Variants in ARHGEF7 observed in about 807,000 individuals in gnomAD.
The protein encoded by ARHGEF7 is Rho guanine nucleotide exchange factor 7.
In ARHGEF7, 33 loss-of-function variants were observed where a neutral mutation model predicts 109.8. That is an observed-to-expected ratio of 0.30 (90% CI 0.23 to 0.40). ARHGEF7 has a LOEUF of 0.40. ARHGEF7 is among the 10% of genes least tolerant of loss of function. The probability of loss-of-function intolerance (pLI) is 1.00; values close to 1 mark genes in which losing one functional copy is unlikely to be tolerated. For missense variants in ARHGEF7, 938 were observed against 1,098.5 expected (o/e 0.85, Z 2.07); for synonymous variants, 458 against 424.6 (o/e 1.08, Z -0.97).
chr13:111,295,315 C>G, intron 19 of ARHGEF7: 3 of 505,024 alleles, frequency 5.9e-6, no homozygotes, highest in Non-Finnish European at 7.7e-6. Context: ...TAGATAGAAC[C>G]CTTCTGTCTG....
chr13:111,144,885 A>G (rs992549595), intron 1 of ARHGEF7, among the ~76,000 whole-genome samples: 10 of 152,342 alleles, frequency 6.6e-5, no homozygotes, highest in African/African-American at 2.2e-4. Context: ...CAAAGGGTAC[A>G]ATAAGTAGAG....
rs187079354 is a variant in ARHGEF7 at position 111,121,944 on chromosome 13, G to A, written c.165+6253G>A. Among the ~76,000 whole-genome samples the A allele has an allele frequency of 1.8e-3, 276 of 152,334 alleles. 2 individuals are homozygous for A. Among genetic ancestry groups the A allele is most frequent in the Non-Finnish European group, 8.8e-4 (60 of 68,038 alleles). On this transcript the variant is annotated intron_variant, in intron 1 of 21. Transcript: ENST00000646102. The stretch of plus-strand genomic sequence containing the variant: ...GCACAAAGTCATTCCTCAGTACGCA[G>A]TAGTTACTGTTTTGTTGATTGACAC...
At chr13:111,264,499 G>A (rs939819557) in intron 8 of ARHGEF7, among the ~76,000 whole-genome samples, 9 of 152,142 alleles carry the variant, frequency 5.9e-5, no homozygotes, top group Non-Finnish European at 4.4e-5. Context: ...AGGAAGACTT[G>A]TGCATCCTAA....
At chr13:111,157,347 A>G (rs543708038) in intron 2 of ARHGEF7, among the ~76,000 whole-genome samples, 14 of 150,686 alleles carry the variant, frequency 9.3e-5, no homozygotes, top group African/African-American at 1.7e-4. Context: ...TTCTATTTGT[A>G]TCTCAAAAGC....
chr13:111,189,896 T>TC (rs1338398196), intron 2 of ARHGEF7, among the ~76,000 whole-genome samples: 1 of 152,184 alleles, frequency 6.6e-6, no homozygotes, highest in East Asian at 1.9e-4. Context: ...AGAAAAGTTC[T>TC]CCAAGTCCCC....
intron 19 of ARHGEF7, among the ~76,000 whole-genome samples, chr13:111,299,043 T>A (rs1345418711): frequency 1.3e-5 from 2 of 152,342 alleles, no homozygotes; most frequent in South Asian, 2.1e-4. Context: ...TCATCTTATC[T>A]TCTTATGCCC....
chr13:111,241,477 G>C, intron 6 of ARHGEF7: 2 of 826,788 alleles, frequency 2.4e-6, no homozygotes, highest in East Asian at 2.7e-5. Flanking sequence ...TGCATTGTTT[G>C]GTTGGGAGTA....
At chr13:111,288,236 A>T in intron 17 of ARHGEF7, 118 bp from the exon 18 acceptor site, 1 of 487,820 alleles carries the variant, frequency 2.0e-6, no homozygotes. Context: ...AAGAAAATCA[A>T]GGGCAGATTA....
At chr13:111,243,256 T>C (rs1249595111) in intron 6 of ARHGEF7, among the ~76,000 whole-genome samples, 1 of 152,200 alleles carries the variant, frequency 6.6e-6, no homozygotes, top group African/African-American at 2.4e-5. Context: ...TAATATTACA[T>C]ATGTTAAAAT....
intron 5 of ARHGEF7, among the ~76,000 whole-genome samples, chr13:111,227,288 A>G (rs577728157): frequency 1.5e-4 from 23 of 152,358 alleles, no homozygotes; most frequent in African/African-American, 4.8e-4. Flanking sequence ...AATGCTACCA[A>G]ATAGCATCTC....
chr13:111,126,402 A>C (rs1050234264), intron 1 of ARHGEF7, among the ~76,000 whole-genome samples: 1 of 151,962 alleles, frequency 6.6e-6, no homozygotes, highest in Non-Finnish European at 1.5e-5. Flanking sequence ...AGACGGGAGA[A>C]TCACCTGAAT....
chr13:111,294,581 A>G, intron 19 of ARHGEF7: 1 of 985,354 alleles, frequency 1.0e-6, no homozygotes. Flanking sequence ...TTTTCTTTGC[A>G]TTTGTTTTGA....
chr13:111,224,742 G>A (rs576516335), intron 5 of ARHGEF7, among the ~76,000 whole-genome samples: 4 of 152,332 alleles, frequency 2.6e-5, no homozygotes, highest in South Asian at 2.1e-4. Flanking sequence ...AGCTGTGGAG[G>A]AACAGTGTTT....
chr13:111,210,287 C>G (rs1040265619), intron 4 of ARHGEF7, among the ~76,000 whole-genome samples: 2 of 152,134 alleles, frequency 1.3e-5, no homozygotes, highest in African/African-American at 4.8e-5. Flanking sequence ...AAAACACACC[C>G]CTTGTCATTT....
At chr13:111,133,812 T>TATATATATATATAA (rs1555341569) in intron 1 of ARHGEF7, among the ~76,000 whole-genome samples, 14 of 62,544 alleles carry the variant, frequency 2.2e-4, no homozygotes, top group Admixed American at 3.6e-4. Flanking sequence ...TATATATATA[T>TATATATATATATAA]ATTTATTATA....
At position 111,145,257 on chromosome 13, in the gene ARHGEF7, T is replaced by A. The variant is rs1202188177; in HGVS notation, c.166-8648T>A. 6.6e-6 allele frequency among the ~76,000 whole-genome samples: 1 copy of A among 152,176 alleles called. No homozygotes were observed. Among genetic ancestry groups the A allele is most frequent in the East Asian group, 1.9e-4 (1 of 5,194 alleles). On this transcript the variant is annotated intron_variant, in intron 1 of 21. Transcript: ENST00000646102. The surrounding 1 kb of genome is among the most constrained non-coding windows in gnomAD (Gnocchi z 4.3). ...CGTTTGCCATTACATTGTGTTCTAATTTTAGATGCCGCCAGGAAGCTCTCC... is the reference window on the plus strand; with the variant it reads ...CGTTTGCCATTACATTGTGTTCTAAATTTAGATGCCGCCAGGAAGCTCTCC...
intron 2 of ARHGEF7, among the ~76,000 whole-genome samples, chr13:111,168,155 A>G (rs936605157): frequency 2.0e-5 from 3 of 152,102 alleles, no homozygotes; most frequent in African/African-American, 4.8e-5. Context: ...GGTCATAGGG[A>G]GACTGTCAGG....
intron 4 of ARHGEF7, among the ~76,000 whole-genome samples, chr13:111,213,745 A>T (rs764851356): frequency 3.9e-5 from 6 of 152,172 alleles, no homozygotes; most frequent in Admixed American, 2.0e-4. Context: ...AAAACCCCAC[A>T]ATGATAAAAT....
In ARHGEF7 at chr13:111,116,002, C is replaced by T. The variant is rs577015604; in HGVS notation, c.165+311C>T. ...TGCGCCGCCCGAACGCTAAGTTGCC[C>T]CTCCGCGTGGGGGGCCGGCCCCGCT... On this transcript the variant is annotated intron_variant, in intron 1 of 21. Transcript: ENST00000646102. Among the ~76,000 whole-genome samples, 15 of 152,024 alleles carry T rather than the reference C, an allele frequency of 9.9e-5. 1 individual carries two copies. In the South Asian group the frequency reaches 1.9e-3, roughly 19 times the overall value.
Sources: allele counts gnomAD v4.1 joint callset (sites outside exome capture counted in the v4.1 genomes callset), GRCh38; gene constraint gnomAD v4.1.1; non-coding constraint Gnocchi (gnomAD v3.1); transcripts MANE v1.5; gene names NCBI Gene and HGNC (gene_info 2026-07-23, HGNC 2026-07-21).